KDM6A: variants seen among roughly 807,000 people sequenced by gnomAD.
KDM6A encodes lysine demethylase 6A.
Under a neutral mutation model 117.6 loss-of-function variants are expected in KDM6A, and 11 were observed. The ratio of observed to expected loss-of-function variants is 0.09; its 90% CI spans 0.06 to 0.15. The LOEUF (loss-of-function observed/expected upper bound fraction) is 0.15. Among genes scored for constraint, KDM6A ranks in the 10% least tolerant of loss-of-function variants. KDM6A has a pLI of 1.00. For missense variants in KDM6A, 799 were observed against 1,077.3 expected (o/e 0.74, Z 3.62); for synonymous variants, 384 against 396.1 (o/e 0.97, Z 0.36).
At chrX:44,989,109 G>C (rs912346896) in intron 4 of KDM6A, among the ~76,000 whole-genome samples, 1 of 105,982 alleles carries the variant, frequency 9.4e-6, no homozygotes, top group Non-Finnish European at 1.9e-5. Flanking sequence ...GGCAATGGGG[G>C]CGCCCCTCCC....
At chrX:45,086,092 T>C (rs2045627564) in intron 25 of KDM6A, 113 bp downstream of exon 25, 2 of 495,830 alleles carry the variant, frequency 4.0e-6, no homozygotes, top group South Asian at 5.4e-5. Context: ...TCACTTACCA[T>C]TCAGCGAAGA....
intron 27 of KDM6A, chrX:45,106,620 A>G: frequency 2.9e-6 from 1 of 343,614 alleles, no homozygotes; most frequent in East Asian, 9.4e-5. Flanking sequence ...GTTCAAATGG[A>G]GAACCTGAGC....
intron 4 of KDM6A, among the ~76,000 whole-genome samples, chrX:44,980,216 G>A (rs757538714): frequency 9.0e-6 from 1 of 110,501 alleles, no homozygotes; most frequent in Admixed American, 9.6e-5. Flanking sequence ...GGATGGTCTC[G>A]ATCTCCTGGC....
chrX:44,906,608 T>C (rs889167447), intron 2 of KDM6A, among the ~76,000 whole-genome samples: 1 of 111,540 alleles, frequency 9.0e-6, no homozygotes, highest in Admixed American at 9.5e-5. Flanking sequence ...TTTAATTTTA[T>C]TTTTAAATAT....
At chrX:44,903,293 C>T (rs1048865962) in intron 2 of KDM6A, among the ~76,000 whole-genome samples, 4 of 111,928 alleles carry the variant, frequency 3.6e-5, no homozygotes, top group African/African-American at 9.7e-5. Flanking sequence ...ACTTTTACCA[C>T]GTCATCCCAT....
chrX:44,899,004 G>GGGGT (rs754650272), intron 2 of KDM6A, among the ~76,000 whole-genome samples: 3 of 79,642 alleles, frequency 3.8e-5, no homozygotes, highest in African/African-American at 1.9e-4. Context: ...GGAGAGGGAG[G>GGGGT]GTGTGTGTGT....
intron 27 of KDM6A, chrX:45,107,059 G>A (rs1020711283): frequency 2.6e-5 from 5 of 189,920 alleles, no homozygotes; most frequent in Admixed American, 2.2e-4. Context: ...CTTATTTCAC[G>A]GATGAGGAAA....
chrX:44,945,104 G>A (rs1015890787), intron 2 of KDM6A, among the ~76,000 whole-genome samples: 1 of 111,439 alleles, frequency 9.0e-6, no homozygotes, highest in African/African-American at 3.3e-5. Flanking sequence ...GTTATATGGT[G>A]TCAGTTGGCA....
chrX:44,972,705 T>G (rs927990885), intron 3 of KDM6A, among the ~76,000 whole-genome samples: 12 of 110,810 alleles, frequency 1.1e-4, no homozygotes, highest in African/African-American at 4.0e-4. Flanking sequence ...GAAAATCTGG[T>G]CAGGAATATG....
intron 2 of KDM6A, among the ~76,000 whole-genome samples, chrX:44,931,678 T>C (rs5952274): frequency 0.1 from 11,375 of 110,626 alleles, 591 homozygotes; most frequent in East Asian, 0.38. Context: ...AAACAGGAAG[T>C]AGAAAGGTAG....
chrX:45,043,832 A>G (rs1041164449), intron 8 of KDM6A, among the ~76,000 whole-genome samples: 2 of 112,130 alleles, frequency 1.8e-5, no homozygotes, highest in African/African-American at 6.5e-5. Context: ...CCATCTATAA[A>G]TAAAGATAAC....
chrX:45,025,465 A>T (rs2042330747), intron 6 of KDM6A, among the ~76,000 whole-genome samples: 1 of 112,372 alleles, frequency 8.9e-6, no homozygotes, highest in African/African-American at 3.2e-5. Flanking sequence ...GCCCAGCCTA[A>T]TTCAGGACTT....
At chrX:45,092,987 G>A (rs2045952324) in intron 27 of KDM6A, among the ~76,000 whole-genome samples, 1 of 111,231 alleles carries the variant, frequency 9.0e-6, no homozygotes, top group Non-Finnish European at 1.9e-5. Context: ...ATCATACATG[G>A]GCTTTCTGGA....
chrX:44,997,263 A>G (rs2040907503), intron 4 of KDM6A, among the ~76,000 whole-genome samples: 1 of 111,937 alleles, frequency 8.9e-6, no homozygotes, highest in Non-Finnish European at 1.9e-5. Context: ...GAATTAGTGT[A>G]AAGTTTTATT....
At chrX:45,057,736 A>G (rs1241493825) in intron 10 of KDM6A, among the ~76,000 whole-genome samples, 1 of 110,848 alleles carries the variant, frequency 9.0e-6, no homozygotes, top group African/African-American at 3.3e-5. Context: ...ACCCATTTAA[A>G]ACGCCTTTTC....
intron 2 of KDM6A, among the ~76,000 whole-genome samples, chrX:44,898,636 C>T (rs886701352): frequency 9.0e-5 from 10 of 111,251 alleles, no homozygotes; most frequent in African/African-American, 3.3e-4. Flanking sequence ...TAGCTTGCCC[C>T]TAGACCCCAC....
intron 3 of KDM6A, 71 bp downstream of exon 3, chrX:44,961,463 A>G (rs1192222618): frequency 2.7e-6 from 2 of 735,502 alleles, no homozygotes; most frequent in East Asian, 6.9e-5. Context: ...TGCTTTATCA[A>G]GAGGATTTTC....
chrX:44,990,413 G>A (rs999919690), intron 4 of KDM6A, among the ~76,000 whole-genome samples: 3 of 110,309 alleles, frequency 2.7e-5, no homozygotes, highest in Non-Finnish European at 3.8e-5. Flanking sequence ...GGTGGCACGC[G>A]CTTGTAATCC....
At chrX:45,082,450 T>G in intron 21 of KDM6A, 126 bp from the exon 22 acceptor site, 1 of 508,128 alleles carries the variant, frequency 2.0e-6, no homozygotes, top group South Asian at 2.9e-5. Flanking sequence ...ATTAAAAACA[T>G]GAAACTTAGT....
Sources: gnomAD v4.1 joint callset for allele counts (sites outside exome capture counted in the v4.1 genomes callset) on GRCh38, gnomAD v4.1.1 for gene constraint, MANE v1.5 for transcripts, NCBI Gene and HGNC (gene_info 2026-07-23, HGNC 2026-07-21) for gene names.